The following CTNS variants were observed in gnomAD, a reference collection of about 807,000 sequenced individuals.
CTNS encodes cystinosin.
A neutral mutation model predicts 43.7 loss-of-function variants in CTNS; 27 were observed. That is an observed-to-expected ratio of 0.62 (90% CI 0.46 to 0.85). CTNS has a LOEUF of 0.85. CTNS is among the 40% of genes least tolerant of loss of function. CTNS has a pLI of 0.00. For missense variants in CTNS, 457 were observed against 475.4 expected, an observed-to-expected ratio of 0.96 and a Z score of 0.36; for synonymous variants, 187 against 190.6, an observed-to-expected ratio of 0.98 and a Z score of 0.16.
At chr17:3,654,735 C>T (rs536625991) in intron 5 of CTNS, among the ~76,000 whole-genome samples, 1 of 151,230 alleles carries the variant, frequency 6.6e-6, no homozygotes, top group South Asian at 2.1e-4. Context: ...TGGCTCACAT[C>T]TATAATCCCA....
In CTNS at chr17:3,656,550, A is replaced by T. The variant is rs1040347769; in HGVS notation, c.525A>T (p.Val175=). 1 of 1,608,354 alleles carries T rather than the reference A, an allele frequency of 6.2e-7. No homozygotes were observed. Among genetic ancestry groups the T allele is most frequent in the Admixed American group, 1.7e-5 (1 of 59,238 alleles). ...LNLTGFVAYS[V]FNIGLLWVPY... ...TGACGGGCTTCGTGGCCTACAGTGT[A>T]TTCAACATCGGCCTCCTCTGGGTGC... The change falls in exon 8 of 12, where the codon GTA becomes GTT. Residue 175 remains valine (V), a synonymous_variant. Coordinates refer to ENST00000046640, the MANE Select transcript of CTNS (RefSeq NM_004937.3).
In CTNS at chr17:3,655,273, C is replaced by G. The variant is rs550254092; in HGVS notation, c.382C>G (p.Gln128Glu). The change falls in exon 7 of 12, where the codon CAG (glutamine) becomes GAG (glutamate). Residue 128 changes from glutamine (Q) to glutamate (E), a missense_variant. Coordinates refer to ENST00000046640, the MANE Select transcript of CTNS (RefSeq NM_004937.3). Reference protein sequence around the residue: ...IRSSAISIINQVIGWIYFVAW... With the variant: ...IRSSAISIINEVIGWIYFVAW... The stretch of plus-strand genomic sequence containing the variant: ...CAGCAGCGCCATTAGCATCATAAAC[C>G]AGGTGATTGGCTGGATCTACTTTGT... 6.2e-7 allele frequency: 1 copy of G among 1,614,214 alleles called. No homozygotes were observed. The highest frequency in any genetic ancestry group is 1.7e-5 in the Admixed American group (1 of 60,034).
intron 3 of CTNS, 147 bp downstream of exon 3, chr17:3,640,414 G>C (rs1033273522): frequency 1.6e-5 from 15 of 918,310 alleles, no homozygotes; most frequent in Admixed American, 8.8e-5. Flanking sequence ...CACTGGGGTG[G>C]TGGAGCAGAC....
At chr17:3,640,396 C>A in intron 3 of CTNS, 129 bp downstream of exon 3, 1 of 1,056,386 alleles carries the variant, frequency 9.5e-7, no homozygotes, top group Non-Finnish European at 1.5e-6. Flanking sequence ...GCCTCTTGGC[C>A]ATGTGGCCAC....
chr17:3,660,133 C>G (rs903921008), intron 11 of CTNS, 103 bp from the exon 12 acceptor site: 3 of 1,547,522 alleles, frequency 1.9e-6, no homozygotes, highest in Admixed American at 3.3e-5. Context: ...TAGCTGGAGG[C>G]TTTGTGGTTT....
At chr17:3,653,387 T>A (rs938969925) in intron 5 of CTNS, among the ~76,000 whole-genome samples, 2 of 152,144 alleles carry the variant, frequency 1.3e-5, no homozygotes, top group African/African-American at 4.8e-5. Flanking sequence ...CATTCCAGAC[T>A]GGCAACAGAG....
intron 2 of CTNS, among the ~76,000 whole-genome samples, chr17:3,639,280 T>C (rs73305351): frequency 6.6e-6 from 1 of 152,278 alleles, no homozygotes; most frequent in African/African-American, 2.4e-5. Flanking sequence ...GCTCCCCATC[T>C]TCCACACTAA....
chr17:3,662,515 G>A lies in CTNS; in HGVS notation c.*2146G>A, dbSNP rs2142989279. On this transcript the variant is annotated 3_prime_UTR_variant, in exon 12 of 12. Coordinates refer to ENST00000046640, the MANE Select transcript of CTNS (RefSeq NM_004937.3). ...ATACACGGAGTGCCCTTATAGGCAGGGAGTCTTATAGGCAGGGGTCTCTCC... is the reference window on the plus strand; with the variant it reads ...ATACACGGAGTGCCCTTATAGGCAGAGAGTCTTATAGGCAGGGGTCTCTCC... Among the ~76,000 whole-genome samples, 1 of 152,116 alleles carries A rather than the reference G, an allele frequency of 6.6e-6. No homozygotes were observed. The highest frequency in any genetic ancestry group is 2.1e-4 in the South Asian group (1 of 4,808).
rs560988939 is a variant in CTNS, at chr17:3,654,680, C to CA, written c.226-301dup. Among the ~76,000 whole-genome samples, 27,104 of 82,172 alleles carry CA rather than the reference C, an allele frequency of 0.33. 3,870 individuals are homozygous for CA. Among genetic ancestry groups the CA allele is most frequent in the Middle Eastern group, 0.44 (54 of 124 alleles). The allele number at this position is 82,172 out of a possible 152,430, so 53.9% of individuals were successfully genotyped here. ...TGGGTGACAGAGCGAGACTCCGTCT[C>CA]AAAAAAAAAAAAAAAAAGGAAAGTC... On this transcript the variant is annotated intron_variant, in intron 5 of 11. Transcript: ENST00000046640.
chr17:3,661,099 T>A lies in CTNS; in HGVS notation c.*730T>A. 2.8e-6 allele frequency: 1 copy of A among 355,866 alleles called. No homozygotes were observed. Among genetic ancestry groups the A allele is most frequent in the Middle Eastern group, 9.7e-4 (1 of 1,028 alleles). 22.0% of individuals were successfully genotyped at this position (355,866 alleles called of 1,614,324 possible). A position where few individuals can be genotyped will look rare whatever the true frequency, so the allele number is the denominator to read the frequency against. ...TCTGCCCTCTCTCCTACCTCCACCT[T>A]CTCAGATTAGCCCCATCTGAGCACA... On this transcript the variant is annotated 3_prime_UTR_variant, in exon 12 of 12. Coordinates refer to ENST00000046640, the MANE Select transcript of CTNS (RefSeq NM_004937.3).
intron 3 of CTNS, 77 bp from the exon 4 acceptor site, chr17:3,647,367 G>T: frequency 8.1e-7 from 1 of 1,235,934 alleles, no homozygotes; most frequent in South Asian, 1.2e-5. Flanking sequence ...TCAGATGTCA[G>T]GGGTTTCGGC....
intron 6 of CTNS, 55 bp downstream of exon 6, chr17:3,655,156 G>A (rs2076096958): frequency 6.2e-7 from 1 of 1,614,116 alleles, no homozygotes; most frequent in Non-Finnish European, 8.5e-7. Flanking sequence ...GGCCGTGCTG[G>A]GCACGTGGGA....
At chr17:3,659,785 C>T (rs2076242317) in intron 10 of CTNS, 73 bp from the exon 11 acceptor site, 13 of 1,049,270 alleles carry the variant, frequency 1.2e-5, no homozygotes, top group Non-Finnish European at 1.9e-5. Flanking sequence ...TTTGGAGGGG[C>T]AGTCACGAGG....
chr17:3,639,909 G>A (rs1428048859), intron 2 of CTNS, among the ~76,000 whole-genome samples: 1 of 152,152 alleles, frequency 6.6e-6, no homozygotes, highest in Non-Finnish European at 1.5e-5. Context: ...TTTACAAAAA[G>A]CAATTGAAGA....
At position 3,660,267 on chromosome 17, in the gene CTNS, C is replaced by G. The variant is rs1200539210; in HGVS notation, c.1002C>G (p.Thr334=). ...GGACGCTGATCTTCGGAGACCCAAC[C>G]AAGTTTGGACTCGGGGTCTTCTCCA... is the stretch of plus-strand genomic sequence containing the variant. ...DQWTLIFGDP[T]KFGLGVFSIV... Residue 334 remains threonine (T), a synonymous_variant, in exon 12 of 12, where the codon ACC becomes ACG. Coordinates refer to ENST00000046640, the MANE Select transcript of CTNS (RefSeq NM_004937.3). The G allele has an allele frequency of 6.2e-7, 1 of 1,614,254 alleles. No homozygotes were observed. The highest frequency in any genetic ancestry group is 2.2e-5 in the East Asian group (1 of 44,888).
intron 4 of CTNS, among the ~76,000 whole-genome samples, chr17:3,648,585 G>C (rs1464676494): frequency 6.6e-6 from 1 of 152,226 alleles, no homozygotes; most frequent in African/African-American, 2.4e-5. Context: ...TGGGCCTCCA[G>C]ATGCCTCATT....
intron 2 of CTNS, among the ~76,000 whole-genome samples, chr17:3,639,843 G>A (rs1192063330): frequency 6.6e-6 from 1 of 152,014 alleles, no homozygotes; most frequent in African/African-American, 2.4e-5. Flanking sequence ...ACAACTTTTG[G>A]AGAAAAAGAA....
At chr17:3,637,537 G>C (rs1189720786) in intron 2 of CTNS, among the ~76,000 whole-genome samples, 1 of 151,494 alleles carries the variant, frequency 6.6e-6, no homozygotes, top group Non-Finnish European at 1.5e-5. Context: ...CGCGATCTCG[G>C]CTCACTGCAA....
intron 7 of CTNS, chr17:3,655,709 T>C (rs1315059937): frequency 8.5e-6 from 3 of 351,344 alleles, no homozygotes; most frequent in Non-Finnish European, 1.7e-5. Context: ...GTCTCGGTCT[T>C]TGGGACGAAG....
Sources: gnomAD v4.1 joint callset for allele counts (sites outside exome capture counted in the v4.1 genomes callset) on GRCh38, gnomAD v4.1.1 for gene constraint, MANE v1.5 for transcripts, NCBI Gene and HGNC (gene_info 2026-07-23, HGNC 2026-07-21) for gene names.